Variants in DEPDC1 observed in about 807,000 individuals in gnomAD.
The protein encoded by DEPDC1 is DEP domain-containing protein 1A.
A neutral mutation model predicts 86.8 loss-of-function variants in DEPDC1; 66 were observed. That is an observed-to-expected ratio of 0.76 (90% CI 0.62 to 0.93). The LOEUF is 0.93. Among genes scored for constraint, DEPDC1 ranks in the 40% least tolerant of loss-of-function variants. The probability of loss-of-function intolerance (pLI) is 0.00; values close to 1 mark genes in which losing one functional copy is unlikely to be tolerated. For synonymous variants in DEPDC1, 255 were observed against 314.9 expected, an observed-to-expected ratio of 0.81 and a Z score of 2.02; for missense variants, 792 against 935.7, an observed-to-expected ratio of 0.85 and a Z score of 2.00.
chr1:68,495,051 A>C (rs1216850987), intron 1 of DEPDC1, among the ~76,000 whole-genome samples: 2 of 152,126 alleles, frequency 1.3e-5, no homozygotes, highest in African/African-American at 4.8e-5. Context: ...CTGAGTCAGG[A>C]GAATCACTTG....
intron 5 of DEPDC1, 107 bp from the exon 6 acceptor site, chr1:68,487,091 CATACAT>C (rs1186623309): frequency 4.5e-6 from 4 of 897,292 alleles, no homozygotes; most frequent in Non-Finnish European, 6.3e-6. Flanking sequence ...TACACATACA[CATACAT>C]GTTACATTTG....
In DEPDC1 at chr1:68,496,908, G is replaced by C; in HGVS notation, c.48+44C>G. The stretch of plus-strand genomic sequence containing the variant: ...GGTAAAACTGCGAACAGTGGTGACT[G>C]CCGTCAGCCCGCTGACCGGTCCCGT... On this transcript the variant is annotated intron_variant, in intron 1 of 11. Coordinates refer to ENST00000456315, the MANE Select transcript of DEPDC1 (RefSeq NM_001114120.3). The surrounding 1 kb of genome is among the most constrained non-coding windows in gnomAD (Gnocchi z 4.0). 5.1e-6 allele frequency: 8 copies of C among 1,577,424 alleles called. No homozygotes were observed. Among genetic ancestry groups the C allele is most frequent in the Non-Finnish European group, 6.9e-6 (8 of 1,151,346 alleles).
intron 2 of DEPDC1, among the ~76,000 whole-genome samples, chr1:68,492,093 C>A (rs1646232754): frequency 6.6e-6 from 1 of 151,992 alleles, no homozygotes; most frequent in African/African-American, 2.4e-5. Context: ...TTGTAGTGAC[C>A]TCAAAAGTTT....
chr1:68,490,928 T>TG (rs1646225344), intron 2 of DEPDC1, among the ~76,000 whole-genome samples: 1 of 152,098 alleles, frequency 6.6e-6, no homozygotes, highest in South Asian at 2.1e-4. Context: ...AAACAAGCAA[T>TG]GGGGGAAATG....
rs1646105262 is a variant in DEPDC1, at chr1:68,474,964, G to C, written c.*1968C>G. On this transcript the variant is annotated 3_prime_UTR_variant, in exon 12 of 12. Coordinates refer to ENST00000456315, the MANE Select transcript of DEPDC1 (RefSeq NM_001114120.3). ...CACATTTTTGCTAAGATCTCTTCTA[G>C]TGCTATAATCCTAGGTGATTCTAGT... The C allele has an allele frequency of 6.6e-6, 1 of 152,048 alleles. No homozygotes were observed. Among genetic ancestry groups the C allele is most frequent in the South Asian group, 2.1e-4 (1 of 4,832 alleles). 9.4% of individuals were successfully genotyped at this position (152,048 alleles called of 1,614,324 possible).
At chr1:68,494,175 G>A (rs1389731870) in intron 2 of DEPDC1, among the ~76,000 whole-genome samples, 2 of 152,210 alleles carry the variant, frequency 1.3e-5, no homozygotes, top group Admixed American at 1.3e-4. Flanking sequence ...ATATGCGGAA[G>A]TGATAATACA....
At chr1:68,492,542 A>C (rs930322068) in intron 2 of DEPDC1, among the ~76,000 whole-genome samples, 2 of 151,908 alleles carry the variant, frequency 1.3e-5, no homozygotes, top group Non-Finnish European at 2.9e-5. Flanking sequence ...CCCCGTGTCC[A>C]CAAAAAATTC....
chr1:68,487,929 TTGTTG>T (rs1557620917), intron 5 of DEPDC1, among the ~76,000 whole-genome samples: 1 of 151,882 alleles, frequency 6.6e-6, no homozygotes, highest in Non-Finnish European at 1.5e-5. Flanking sequence ...TGAGCTTATT[TTGTTG>T]TGTTATTACA....
At chr1:68,478,545 G>T (rs915979565) in intron 10 of DEPDC1, among the ~76,000 whole-genome samples, 1 of 151,598 alleles carries the variant, frequency 6.6e-6, no homozygotes, top group South Asian at 2.1e-4. Context: ...ATAAGCCAGG[G>T]CAATATTAGA....
intron 11 of DEPDC1, 47 bp from the exon 12 acceptor site, chr1:68,477,116 A>C (rs1427588785): frequency 6.7e-7 from 1 of 1,494,556 alleles, no homozygotes; most frequent in Non-Finnish European, 9.1e-7. Context: ...ATTATTTCCC[A>C]AGCTGAAGCA....
chr1:68,482,012 T>C, intron 8 of DEPDC1, 34 bp downstream of exon 8: 2 of 1,525,796 alleles, frequency 1.3e-6, no homozygotes, highest in Non-Finnish European at 1.8e-6. Context: ...ACACTCAAAG[T>C]TAATATTGCA....
rs764629472 is a variant in DEPDC1 at position 68,496,957 on chromosome 1, T to A, written c.43A>T (p.Lys15Ter). The A allele has an allele frequency of 6.2e-7, 1 of 1,612,160 alleles. No individual in the cohort carries two copies. Residue 15 changes from lysine (K) to a stop codon, truncating the protein, a stop_gained, in exon 1 of 12, where the codon AAG (lysine) becomes TAG (stop). Coordinates refer to ENST00000456315, the MANE Select transcript of DEPDC1 (RefSeq NM_001114120.3). LOFTEE classifies it high-confidence loss of function. This position sits in a 1 kb window ranked among gnomAD's most constrained non-coding sequence, Gnocchi z 4.0. ...GTCTATCCGAGCTGTCTTACCAGCTTGGTGGCCCGATAAGGCCCGGGAGGC... is the reference window on the plus strand; with the variant it reads ...GTCTATCCGAGCTGTCTTACCAGCTAGGTGGCCCGATAAGGCCCGGGAGGC... ...GVPPGPYRAT[K>*]LWNEVTTSFR...
At position 68,489,591 on chromosome 1, in the gene DEPDC1, G is replaced by A; in HGVS notation, c.332C>T (p.Pro111Leu). The A allele has an allele frequency of 6.5e-7, 1 of 1,536,000 alleles. No homozygotes were observed. The highest frequency in any genetic ancestry group is 2.4e-5 in the Admixed American group (1 of 41,894). ...NQLFRFPATS[P>L]LKTLPRRYPE... ...ATACCTTCGTGGTAGAGTTTTAAGT[G>A]GCGAAGTTGCAGGAAATCTGGTTTA... Residue 111 changes from proline (P) to leucine (L), a missense_variant, in exon 3 of 12, where the codon CCA (proline) becomes CTA (leucine). Pro to Leu is a moderately conservative substitution (Grantham distance 98). Coordinates refer to ENST00000456315, the MANE Select transcript of DEPDC1 (RefSeq NM_001114120.3).
chr1:68,482,636 C>T lies in DEPDC1; in HGVS notation c.1172G>A (p.Ser391Asn), dbSNP rs372011076. 3 of 1,612,722 alleles carry T rather than the reference C, an allele frequency of 1.9e-6. No individual in the cohort carries two copies. Among genetic ancestry groups the T allele is most frequent in the Middle Eastern group, 1.6e-4 (1 of 6,068 alleles). ...QLVNLRNRRV[S>N]ANDIMGGSCH... ...ACTTCCTCCCATTATGTCATTAGCA[C>T]TCACTCTTCTGTTTCTTAAATTAAC... The change falls in exon 8 of 12, where the codon AGT becomes AAT. Residue 391 changes from serine to asparagine, a missense_variant. By Grantham distance (46) the Ser-to-Asn change is conservative. Transcript: ENST00000456315.
At position 68,482,099 on chromosome 1, in the gene DEPDC1, T is replaced by G. The variant is rs777412786; in HGVS notation, c.1709A>C (p.Glu570Ala). ...TGGAAGTAAAGAATTTTCTGAAAGT[T>G]CTATTGTACTTTTGCAGAGTCTTTT... is the stretch of plus-strand genomic sequence containing the variant. ...INKRLCKSTI[E>A]LSENSLLPAS... The change falls in exon 8 of 12, where the codon GAA becomes GCA. Residue 570 changes from glutamate (E) to alanine (A), a missense_variant. Coordinates refer to ENST00000456315, the MANE Select transcript of DEPDC1 (RefSeq NM_001114120.3). 6.2e-7 allele frequency: 1 copy of G among 1,606,132 alleles called. No individual in the cohort carries two copies. The highest frequency in any genetic ancestry group is 1.1e-5 in the South Asian group (1 of 89,278).
rs896575612 is a variant in DEPDC1, at chr1:68,474,223, T to G, written c.*2709A>C. The G allele has an allele frequency of 9.2e-5, 14 of 152,080 alleles. No homozygotes were observed. Among genetic ancestry groups the G allele is most frequent in the African/African-American group, 3.4e-4 (14 of 41,426 alleles). The allele number at this position is 152,080 out of a possible 1,614,324, so 9.4% of individuals were successfully genotyped here. On this transcript the variant is annotated 3_prime_UTR_variant, in exon 12 of 12. Transcript: ENST00000456315. ...AAGGCAAGAGGAAAGGACATAAAAATCAAGCGTGGGCTTGCTAAATTCAAG... is the reference window on the plus strand; with the variant it reads ...AAGGCAAGAGGAAAGGACATAAAAAGCAAGCGTGGGCTTGCTAAATTCAAG...
Position 68,496,874 on chromosome 1 carries a change from A to AACGGTCGAGGTAAAACTGCGT in DEPDC1, c.48+77_48+78insACGCAGTTTTACCTCGACCGT. The AACGGTCGAGGTAAAACTGCGT allele has an allele frequency of 6.8e-7, 1 of 1,467,228 alleles. No homozygotes were observed. The highest frequency in any genetic ancestry group is 9.5e-7 in the Non-Finnish European group (1 of 1,057,430). The allele number at this position is 1,467,228 out of a possible 1,614,324, so 90.9% of individuals were successfully genotyped here. ...TCCCTCCGACCGAGGTAAAACTGCGAACGGTCGAGGTAAAACTGCGAACAG... is the reference window on the plus strand; with the variant it reads ...TCCCTCCGACCGAGGTAAAACTGCGAACGGTCGAGGTAAAACTGCGTACGGTCGAGGTAAAACTGCGAACAG... On this transcript the variant is annotated intron_variant, in intron 1 of 11. Transcript: ENST00000456315. The surrounding 1 kb of genome is among the most constrained non-coding windows in gnomAD (Gnocchi z 4.0).
At chr1:68,490,156 G>A (rs935942163) in intron 2 of DEPDC1, among the ~76,000 whole-genome samples, 5 of 152,164 alleles carry the variant, frequency 3.3e-5, no homozygotes, top group African/African-American at 1.2e-4. Context: ...AGGGGTGCAT[G>A]TGCAGGTTTC....
chr1:68,486,807 A>C (rs557449758), intron 6 of DEPDC1, 130 bp downstream of exon 6: 101 of 1,072,888 alleles, frequency 9.4e-5, no homozygotes, highest in Non-Finnish European at 9.3e-5. Flanking sequence ...TTTATAAATA[A>C]AGAGAAATGA....
Sources: allele counts gnomAD v4.1 joint callset (sites outside exome capture counted in the v4.1 genomes callset), GRCh38; gene constraint gnomAD v4.1.1; non-coding constraint Gnocchi (gnomAD v3.1); transcripts MANE v1.5; gene names NCBI Gene and HGNC (gene_info 2026-07-23, HGNC 2026-07-21).